Variants in SORCS1 observed in about 807,000 individuals in gnomAD.
SORCS1 encodes VPS10 domain-containing receptor SorCS1.
A neutral mutation model predicts 146.1 loss-of-function variants in SORCS1; 60 were observed. The ratio of observed to expected loss-of-function variants is 0.41; its 90% CI spans 0.33 to 0.51. The LOEUF (loss-of-function observed/expected upper bound fraction) is 0.51. Among genes scored for constraint, SORCS1 ranks in the 20% least tolerant of loss-of-function variants. SORCS1 has a pLI of 0.21. For synonymous variants in SORCS1, 637 were observed against 584.0 expected (o/e 1.09, Z -1.31); for missense variants, 1,352 against 1,487.6 (o/e 0.91, Z 1.50).
intron 3 of SORCS1, among the ~76,000 whole-genome samples, chr10:106,806,749 T>G (rs914561723): frequency 6.6e-6 from 1 of 151,928 alleles, no homozygotes; most frequent in South Asian, 2.1e-4. Context: ...CCTCCTGACC[T>G]CGTGATCAGC....
At chr10:106,826,647 C>T (rs902815644) in intron 3 of SORCS1, among the ~76,000 whole-genome samples, 2 of 152,152 alleles carry the variant, frequency 1.3e-5, no homozygotes, top group East Asian at 1.9e-4. Context: ...AAATATACTG[C>T]GATGTCAACT....
intron 1 of SORCS1, among the ~76,000 whole-genome samples, chr10:106,973,110 T>C (rs1211909404): frequency 1.3e-5 from 2 of 152,154 alleles, no homozygotes; most frequent in African/African-American, 2.4e-5. Context: ...GAAGGGGTCA[T>C]GTTCAGAAAA....
At chr10:106,677,432 A>ACACATC (rs1554896218) in intron 12 of SORCS1, 28 bp from the exon 13 acceptor site, 2 of 1,581,504 alleles carry the variant, frequency 1.3e-6, no homozygotes, top group East Asian at 2.2e-5. Context: ...ATACATGGAC[A>ACACATC]CACATCCACA....
intron 3 of SORCS1, among the ~76,000 whole-genome samples, chr10:106,821,269 ATT>A (rs1221356577): frequency 3.3e-5 from 5 of 152,208 alleles, no homozygotes; most frequent in Admixed American, 2.0e-4. Context: ...GATTAATTTC[ATT>A]TGTTAAAAAG....
rs188343677 is a variant in SORCS1 at position 106,612,873 on chromosome 10, G to A, written c.2921-850C>T. Among the ~76,000 whole-genome samples, 55 of 152,114 alleles carry A rather than the reference G, an allele frequency of 3.6e-4. 1 individual carries two copies. The highest frequency in any genetic ancestry group is 3.4e-3 in the Admixed American group (52 of 15,278). ...GAATGCATGGTAGGTTTATGACCCT[G>A]GGCCTCTTTGCACACACCGTTCTTC... On this transcript the variant is annotated intron_variant, in intron 21 of 25. Transcript: ENST00000263054.
In SORCS1 at chr10:107,117,310, A is replaced by C. The variant is rs566281930; in HGVS notation, c.558+46659T>G. ...TTGTTTTTGCAGCATGGGACCAGAG[A>C]GGTATATATCTGAGAACAGACATTA... On this transcript the variant is annotated intron_variant, in intron 1 of 25. Transcript: ENST00000263054. Among the ~76,000 whole-genome samples the C allele has an allele frequency of 5.3e-5, 8 of 152,336 alleles. No homozygotes were observed. In the South Asian group the frequency reaches 8.3e-4, roughly 16 times the overall value.
intron 2 of SORCS1, among the ~76,000 whole-genome samples, chr10:106,863,724 C>A (rs1284830379): frequency 1.3e-5 from 2 of 151,344 alleles, no homozygotes; most frequent in Non-Finnish European, 2.9e-5. Flanking sequence ...GAGGGTGGCG[C>A]TCTAATATGC....
chr10:106,833,807 A>G (rs1589505158), intron 2 of SORCS1, among the ~76,000 whole-genome samples: 1 of 131,548 alleles, frequency 7.6e-6, no homozygotes, highest in Non-Finnish European at 1.7e-5. Flanking sequence ...TATTATTATT[A>G]TTTTGAGACG....
At chr10:107,177,102 T>A in the SORCS1 span, among the ~76,000 whole-genome samples, 1 of 152,286 alleles carries the variant, frequency 6.6e-6, no homozygotes, top group African/African-American at 2.4e-5. Context: ...GAATTCTCCT[T>A]TATGTTATTT....
intron 19 of SORCS1, among the ~76,000 whole-genome samples, chr10:106,628,870 A>G (rs943581876): frequency 1.3e-5 from 2 of 152,230 alleles, no homozygotes; most frequent in Admixed American, 6.5e-5. Context: ...TGACCCCAGC[A>G]AAACCAAATT....
chr10:106,915,135 C>T (rs1308109330), intron 2 of SORCS1, among the ~76,000 whole-genome samples: 2 of 152,180 alleles, frequency 1.3e-5, no homozygotes, highest in Admixed American at 6.5e-5. Flanking sequence ...ACCTCAAAGT[C>T]AACTTTTCCA....
chr10:106,616,067 C>T (rs7099641), intron 21 of SORCS1, among the ~76,000 whole-genome samples: 38,480 of 152,118 alleles, frequency 0.25, 5,953 homozygotes, highest in East Asian at 0.53. Context: ...CAATTACTAT[C>T]ACCACCACCA....
At chr10:107,108,923 CA>C (rs2134439033) in intron 1 of SORCS1, among the ~76,000 whole-genome samples, 1 of 152,326 alleles carries the variant, frequency 6.6e-6, no homozygotes, top group Non-Finnish European at 1.5e-5. Context: ...AGGCTTTATG[CA>C]AGTTTGAAAC....
At chr10:106,948,322 T>A (rs533540641) in intron 2 of SORCS1, among the ~76,000 whole-genome samples, 1 of 152,198 alleles carries the variant, frequency 6.6e-6, no homozygotes, top group South Asian at 2.1e-4. Context: ...TTTTTCTGGC[T>A]CATTGTAATG....
chr10:106,747,706 T>C (rs1288630877), intron 5 of SORCS1, among the ~76,000 whole-genome samples: 1 of 152,186 alleles, frequency 6.6e-6, no homozygotes. Context: ...GACAGATAGA[T>C]AGGAAGCATA....
At chr10:106,922,524 T>C (rs1186476515) in intron 2 of SORCS1, among the ~76,000 whole-genome samples, 1 of 152,324 alleles carries the variant, frequency 6.6e-6, no homozygotes, top group East Asian at 1.9e-4. Context: ...ATTTTTTTTA[T>C]TAGGCTTCTT....
chr10:106,985,632 G>C (rs1956437735), intron 1 of SORCS1, among the ~76,000 whole-genome samples: 1 of 151,640 alleles, frequency 6.6e-6, no homozygotes, highest in African/African-American at 2.4e-5. Flanking sequence ...AACTTCCCGG[G>C]TTCAAGCGAT....
chr10:106,739,566 T>C (rs529891684), intron 5 of SORCS1, among the ~76,000 whole-genome samples: 14 of 151,806 alleles, frequency 9.2e-5, no homozygotes, highest in Non-Finnish European at 1.8e-4. Flanking sequence ...CCCAGCACTT[T>C]GGGAGGCCGA....
In SORCS1 at chr10:106,618,191, C is replaced by G. The variant is rs1335414568; in HGVS notation, c.2878G>C (p.Gly960Arg). The G allele has an allele frequency of 1.2e-6, 2 of 1,614,106 alleles. No homozygotes were observed. The highest frequency in any genetic ancestry group is 3.3e-5 in the Admixed American group (2 of 60,016). ...MNTITVQVSA[G>R]NAILQDTKTI... ...TTTGTGTCTTGTAGGATGGCATTCC[C>G]AGCTGAGACCTGCACTGTGATGGTA... is the stretch of plus-strand genomic sequence containing the variant. Residue 960 changes from glycine (G) to arginine (R), a missense_variant, in exon 21 of 26, where the codon GGG becomes CGG. Around this residue, in one of 3 missense-constraint regions of SORCS1, gnomAD observed 648 missense variants for 793.8 expected, o/e 0.82. Transcript: ENST00000263054.
Sources: gnomAD v4.1 joint callset for allele counts (sites outside exome capture counted in the v4.1 genomes callset) on GRCh38, gnomAD v4.1.1 for gene constraint, gnomAD v4.1.1 regional missense constraint, MANE v1.5 for transcripts, NCBI Gene and HGNC (gene_info 2026-07-23, HGNC 2026-07-21) for gene names.